The following STIM2 variants were observed in gnomAD, a reference collection of about 807,000 sequenced individuals.
STIM2 encodes stromal interaction molecule 2.
STIM2 carries 31 observed loss-of-function variants against 85.8 expected under a neutral mutation model. The observed-to-expected ratio is 0.36, with a 90% confidence interval of 0.27 to 0.49. The LOEUF (loss-of-function observed/expected upper bound fraction) is 0.49. Ranked by LOEUF, STIM2 falls within the 20% of genes least tolerant of loss-of-function variation. The probability of loss-of-function intolerance (pLI) is 0.98; values close to 1 mark genes in which losing one functional copy is unlikely to be tolerated. For missense variants in STIM2, 841 were observed against 927.6 expected (o/e 0.91, Z 1.21); for synonymous variants, 356 against 331.1 (o/e 1.08, Z -0.82).
chr4:27,012,778 T>C (rs1446420748), intron 10 of STIM2, among the ~76,000 whole-genome samples: 1 of 151,906 alleles, frequency 6.6e-6, no homozygotes, highest in African/African-American at 2.4e-5. Flanking sequence ...CAGGAAGTAT[T>C]TTTTTTAATG....
chr4:26,980,938 C>T (rs1035828996), intron 3 of STIM2, among the ~76,000 whole-genome samples: 3 of 152,064 alleles, frequency 2.0e-5, no homozygotes, highest in Non-Finnish European at 2.9e-5. Context: ...GGATAAGGAG[C>T]CCTTCCTTAC....
chr4:26,951,867 A>G (rs1337965103), intron 2 of STIM2, among the ~76,000 whole-genome samples: 1 of 152,170 alleles, frequency 6.6e-6, no homozygotes, highest in Non-Finnish European at 1.5e-5. Context: ...ATGGATGGCA[A>G]GAAACACTCA....
At chr4:26,999,211 G>A in intron 4 of STIM2, 21 bp from the exon 5 acceptor site, 1 of 1,225,248 alleles carries the variant, frequency 8.2e-7, no homozygotes, top group African/African-American at 1.5e-5. Context: ...ATATATGTGT[G>A]TGTGTTTTTC....
At chr4:26,992,909 A>G (rs1173262787) in intron 3 of STIM2, among the ~76,000 whole-genome samples, 1 of 152,108 alleles carries the variant, frequency 6.6e-6, no homozygotes, top group Non-Finnish European at 1.5e-5. Flanking sequence ...AGACCACTAC[A>G]ATTTTCAATT....
chr4:26,962,029 G>A (rs1726492389), intron 3 of STIM2, among the ~76,000 whole-genome samples: 1 of 152,158 alleles, frequency 6.6e-6, no homozygotes, highest in East Asian at 1.9e-4. Flanking sequence ...AGGATTACAG[G>A]TGGGAGTCAC....
At chr4:26,992,530 C>CA (rs1577484199) in intron 3 of STIM2, among the ~76,000 whole-genome samples, 1 of 150,168 alleles carries the variant, frequency 6.7e-6, no homozygotes, top group African/African-American at 2.4e-5. Context: ...CCTATCTCTA[C>CA]AAAAAAAGGA....
At chr4:26,999,192 A>T (rs908978748) in intron 4 of STIM2, 40 bp from the exon 5 acceptor site, 64 of 834,594 alleles carry the variant, frequency 7.7e-5, no homozygotes, top group Middle Eastern at 2.8e-4. Flanking sequence ...ATTTTCATTT[A>T]ATATATATAT....
Position 27,008,492 on chromosome 4 carries a change from C to G in STIM2, c.1214C>G (p.Ser405Cys). 6.2e-7 allele frequency: 1 copy of G among 1,602,490 alleles called. No homozygotes were observed. Among genetic ancestry groups the G allele is most frequent in the Non-Finnish European group, 8.5e-7 (1 of 1,175,278 alleles). ...ACTCTGCACGTTGCACACAGCTCCT[C>G]CCTAGATGAGGTAGACCACAAAATT... The change falls in exon 9 of 12, where the codon TCC (serine) becomes TGC (cysteine). Residue 405 changes from serine (S) to cysteine (C), a missense_variant. Coordinates refer to ENST00000467087, the MANE Select transcript of STIM2 (RefSeq NM_020860.4).
chr4:26,997,509 C>A (rs1381134803), intron 4 of STIM2, among the ~76,000 whole-genome samples: 1 of 152,186 alleles, frequency 6.6e-6, no homozygotes, highest in Non-Finnish European at 1.5e-5. Context: ...ACACCCTCAC[C>A]CACTCAGGTG....
At chr4:27,006,106 C>G (rs1168314949) in intron 7 of STIM2, among the ~76,000 whole-genome samples, 1 of 152,098 alleles carries the variant, frequency 6.6e-6, no homozygotes, top group African/African-American at 2.4e-5. Flanking sequence ...TTGTCCCAAG[C>G]CATTGCAGTT....
intron 1 of STIM2, among the ~76,000 whole-genome samples, chr4:26,901,694 T>C (rs944726081): frequency 6.6e-6 from 1 of 152,190 alleles, no homozygotes; most frequent in African/African-American, 2.4e-5. Flanking sequence ...TATTTTATGC[T>C]AATTTTGTGG....
chr4:26,912,019 T>C (rs1724362943), intron 1 of STIM2, among the ~76,000 whole-genome samples: 1 of 152,150 alleles, frequency 6.6e-6, no homozygotes, highest in Non-Finnish European at 1.5e-5. Flanking sequence ...ATCAGGTCTT[T>C]GATATATTGA....
In STIM2 at chr4:26,887,184, T is replaced by TG. The variant is rs1491238982; in HGVS notation, c.151+25815_151+25816insG. Among the ~76,000 whole-genome samples, 102 of 12,554 alleles carry TG rather than the reference T, an allele frequency of 8.1e-3. No individual in the cohort carries two copies. In the Middle Eastern group the frequency reaches 0.38, roughly 46 times the overall value. 8.2% of individuals were successfully genotyped at this position (12,554 alleles called of 152,430 possible). A position where few individuals can be genotyped will look rare whatever the true frequency, so the allele number is the denominator to read the frequency against. On this transcript the variant is annotated intron_variant, in intron 1 of 11. Transcript: ENST00000467087. ...TAAGCACCAAACCAAATAATTAAAC[T>TG]TTTTTTTTTTTTTTTTTTTTTTTGC...
In STIM2 at chr4:26,928,457, G is replaced by A. The variant is rs115489815; in HGVS notation, c.282+8823G>A. 1.8e-3 allele frequency among the ~76,000 whole-genome samples: 270 copies of A among 152,298 alleles called. 1 individual carries two copies. The highest frequency in any genetic ancestry group is 3.2e-3 in the Non-Finnish European group (215 of 68,020). ...TTTGCAGATATTTGACAGCCTATTT[G>A]TAATTGATTGCATTATAATTCTTAG... On this transcript the variant is annotated intron_variant, in intron 2 of 11. Transcript: ENST00000467087.
At chr4:26,944,558 A>G (rs573732965) in intron 2 of STIM2, among the ~76,000 whole-genome samples, 42 of 152,296 alleles carry the variant, frequency 2.8e-4, no homozygotes, top group Non-Finnish European at 5.4e-4. Context: ...CTCAATGCAA[A>G]TTAAAATTTG....
chr4:26,878,634 A>G (rs2109034306), intron 1 of STIM2, among the ~76,000 whole-genome samples: 1 of 152,152 alleles, frequency 6.6e-6, no homozygotes, highest in East Asian at 1.9e-4. Flanking sequence ...TTATTTAGCC[A>G]CTGACTTGTA....
chr4:26,966,295 CTT>C (rs770153570), intron 3 of STIM2, among the ~76,000 whole-genome samples: 1 of 152,028 alleles, frequency 6.6e-6, no homozygotes, highest in Non-Finnish European at 1.5e-5. Context: ...CTTTATCCAT[CTT>C]TGTTTTGGGA....
At chr4:26,912,230 C>T (rs1724372426) in intron 1 of STIM2, among the ~76,000 whole-genome samples, 2 of 151,982 alleles carry the variant, frequency 1.3e-5, no homozygotes, top group East Asian at 1.9e-4. Context: ...TAGTTGCCAG[C>T]GTGGTAAGCC....
intron 1 of STIM2, among the ~76,000 whole-genome samples, chr4:26,865,961 C>T (rs1336120323): frequency 6.6e-6 from 1 of 150,802 alleles, no homozygotes; most frequent in Non-Finnish European, 1.5e-5. Context: ...GTTTTTGATT[C>T]TGAGACTAAT....
Sources: allele counts gnomAD v4.1 joint callset (sites outside exome capture counted in the v4.1 genomes callset), GRCh38; gene constraint gnomAD v4.1.1; transcripts MANE v1.5; gene names NCBI Gene and HGNC (gene_info 2026-07-23, HGNC 2026-07-21).